RPH3AL: variants seen among roughly 807,000 people sequenced by gnomAD.
RPH3AL encodes the protein rab effector Noc2.
RPH3AL carries 38 observed loss-of-function variants against 43.1 expected under a neutral mutation model. The observed-to-expected ratio is 0.88, with a 90% confidence interval of 0.68 to 1.15. The LOEUF is 1.15. Among genes scored for constraint, RPH3AL ranks in the 50% most tolerant of loss-of-function variants. The pLI, the probability that RPH3AL is intolerant of heterozygous loss-of-function variation, is 0.00. For missense variants in RPH3AL, 462 were observed against 423.2 expected, an observed-to-expected ratio of 1.09 and a Z score of -0.81; for synonymous variants, 189 against 176.3, an observed-to-expected ratio of 1.07 and a Z score of -0.57.
intron 4 of RPH3AL, among the ~76,000 whole-genome samples, chr17:320,928 C>T (rs535151618): frequency 1.3e-4 from 20 of 152,328 alleles, no homozygotes; most frequent in African/African-American, 4.8e-4. Context: ...TTGGCCTCCA[C>T]CTGAACCCCT....
chr17:305,397 G>A (rs1221914895), intron 5 of RPH3AL, among the ~76,000 whole-genome samples: 3 of 152,010 alleles, frequency 2.0e-5, no homozygotes, highest in East Asian at 1.9e-4. Context: ...TGGCAGCTGC[G>A]GGGGCTGGGG....
At chr17:271,780 C>T (rs1032883454) in intron 6 of RPH3AL, among the ~76,000 whole-genome samples, 6 of 152,210 alleles carry the variant, frequency 3.9e-5, no homozygotes, top group African/African-American at 1.4e-4. Context: ...TGCCTGATTG[C>T]CCTGGCCAGA....
rs79505117 is a variant in RPH3AL at position 343,411 on chromosome 17, C to T, written c.-213+9301G>A. 8.3e-3 allele frequency among the ~76,000 whole-genome samples: 1,265 copies of T among 152,350 alleles called. 15 individuals carry two copies. Among genetic ancestry groups the T allele is most frequent in the African/African-American group, 0.028 (1,145 of 41,570 alleles). ...ACAAAGCAGGCGCTCAACCCTGTCA[C>T]GCACTCCAGGTAGCCCTGCCAGCAG... On this transcript the variant is annotated intron_variant, in intron 1 of 9. Coordinates refer to ENST00000331302, the MANE Select transcript of RPH3AL (RefSeq NM_006987.4).
chr17:290,444 C>G lies in RPH3AL; in HGVS notation c.352-8590G>C, dbSNP rs138980388. Among the ~76,000 whole-genome samples, 1 of 152,274 alleles carries G rather than the reference C, an allele frequency of 6.6e-6. No individual in the cohort carries two copies. Among genetic ancestry groups the G allele is most frequent in the East Asian group, 1.9e-4 (1 of 5,172 alleles). ...CATTCCCATGACGGCTCCTGCCTGC[C>G]TCCCCCGGGGTGCGTGCCGCGGCCG... On this transcript the variant is annotated intron_variant, in intron 5 of 9. Coordinates refer to ENST00000331302, the MANE Select transcript of RPH3AL (RefSeq NM_006987.4). The surrounding 1 kb of genome is among the most constrained non-coding windows in gnomAD (Gnocchi z 4.2).
intron 6 of RPH3AL, among the ~76,000 whole-genome samples, chr17:258,850 C>A (rs2042133570): frequency 6.6e-6 from 1 of 150,748 alleles, no homozygotes; most frequent in East Asian, 2.0e-4. Context: ...AGCCTTGACA[C>A]CCTGGGCTCA....
chr17:331,333 G>A lies in RPH3AL; in HGVS notation c.-37+2426C>T, dbSNP rs531398398. On this transcript the variant is annotated intron_variant, in intron 2 of 9. Coordinates refer to ENST00000331302, the MANE Select transcript of RPH3AL (RefSeq NM_006987.4). ...AGATCAAGGGAGACGGAAGGATGTC[G>A]CCTCCAGAGCTGGGGCCACGGGCAG... The A allele has an allele frequency of 7.2e-3, 289 of 40,174 alleles. 8 individuals are homozygous for A. The highest frequency in any genetic ancestry group is 0.04 in the South Asian group (278 of 7,028). 2.5% of individuals were successfully genotyped at this position (40,174 alleles called of 1,614,324 possible). A position where few individuals can be genotyped will look rare whatever the true frequency, so the allele number is the denominator to read the frequency against.
intron 6 of RPH3AL, among the ~76,000 whole-genome samples, chr17:250,610 T>C (rs1257254988): frequency 2.9e-5 from 4 of 136,150 alleles, no homozygotes; most frequent in African/African-American, 1.1e-4. Flanking sequence ...GGGCCTTTAC[T>C]AAGCTCCCTC....
At chr17:301,691 G>A (rs886948499) in intron 5 of RPH3AL, among the ~76,000 whole-genome samples, 17 of 151,966 alleles carry the variant, frequency 1.1e-4, no homozygotes, top group Non-Finnish European at 7.4e-5. Flanking sequence ...CTCCTACCTC[G>A]GCCTCCCAAA....
intron 6 of RPH3AL, among the ~76,000 whole-genome samples, chr17:252,272 GC>G (rs2041924102): frequency 6.6e-6 from 1 of 152,074 alleles, no homozygotes; most frequent in Admixed American, 6.5e-5. Flanking sequence ...ACCACGCCTA[GC>G]CTCTCCCTTT....
chr17:252,646 C>A (rs963143262), intron 6 of RPH3AL, among the ~76,000 whole-genome samples: 1 of 152,164 alleles, frequency 6.6e-6, no homozygotes, highest in South Asian at 2.1e-4. Flanking sequence ...CTCGTCCTCA[C>A]GGGCAGCGCC....
At chr17:298,637 G>A (rs568342499) in intron 5 of RPH3AL, among the ~76,000 whole-genome samples, 24 of 152,098 alleles carry the variant, frequency 1.6e-4, no homozygotes, top group East Asian at 9.7e-4. Flanking sequence ...CCCGGGAGGC[G>A]GAGGTTGCAG....
At chr17:299,024 G>A (rs901791332) in intron 5 of RPH3AL, among the ~76,000 whole-genome samples, 9 of 151,518 alleles carry the variant, frequency 5.9e-5, no homozygotes, top group South Asian at 2.1e-4. Context: ...GGGTGTTTTC[G>A]ACTTTATGCT....
At position 274,312 on chromosome 17, in the gene RPH3AL, ACCACCTGGGCCTCGCCTGC is replaced by A. The variant is rs1029818428; in HGVS notation, c.438+7437_438+7455del. 8.5e-5 allele frequency among the ~76,000 whole-genome samples: 13 copies of A among 152,138 alleles called. No homozygotes were observed. Among genetic ancestry groups the A allele is most frequent in the African/African-American group, 1.9e-4 (8 of 41,436 alleles). On this transcript the variant is annotated intron_variant, in intron 6 of 9. Transcript: ENST00000331302. The surrounding 1 kb of genome is among the most constrained non-coding windows in gnomAD (Gnocchi z 4.7). Reference sequence around the variant, plus strand: ...GCGGGAGACGGGAGGCGTGCCATGGACCACCTGGGCCTCGCCTGCCCACCTGGGCCTCGCCTGCCTGGCT... The same window carrying A: ...GCGGGAGACGGGAGGCGTGCCATGGACCACCTGGGCCTCGCCTGCCTGGCT...
intron 1 of RPH3AL, 166 bp from the exon 2 acceptor site, chr17:334,100 C>G (rs902338877): frequency 6.5e-6 from 1 of 152,904 alleles, no homozygotes; most frequent in Non-Finnish European, 1.5e-5. Flanking sequence ...GTGGCTGGGG[C>G]CGGTCACATG....
At position 298,761 on chromosome 17, in the gene RPH3AL, T is replaced by C. The variant is rs147482123; in HGVS notation, c.352-16907A>G. On this transcript the variant is annotated intron_variant, in intron 5 of 9. Coordinates refer to ENST00000331302, the MANE Select transcript of RPH3AL (RefSeq NM_006987.4). ...ACATGTTATTGGAACTTATCTTTTA[T>C]CTGAAAAATACAGCAGACTAGACAA... 6.2e-4 allele frequency among the ~76,000 whole-genome samples: 95 copies of C among 152,168 alleles called. 2 individuals carry two copies. The East Asian group carries it at 0.017, about 28-fold the overall frequency.
intron 7 of RPH3AL, among the ~76,000 whole-genome samples, chr17:240,355 T>C (rs2041500014): frequency 6.6e-6 from 1 of 152,038 alleles, no homozygotes; most frequent in Non-Finnish European, 1.5e-5. Flanking sequence ...AAGTCAGTGG[T>C]TTTTAGTATA....
chr17:320,715 G>A (rs556218593), intron 4 of RPH3AL, among the ~76,000 whole-genome samples: 4 of 152,346 alleles, frequency 2.6e-5, no homozygotes, highest in Non-Finnish European at 4.4e-5. Flanking sequence ...CCTGCCCAGT[G>A]CATTTGTGTC....
In RPH3AL at chr17:215,619, C is replaced by A; in HGVS notation, c.876+35G>T. ...GTGAGAGAGGACACGGCCGCGGGGG[C>A]AGGAGAGGGGAGAAGGCAGCAGTTG... is the stretch of plus-strand genomic sequence containing the variant. On this transcript the variant is annotated intron_variant, in intron 9 of 9. Coordinates refer to ENST00000331302, the MANE Select transcript of RPH3AL (RefSeq NM_006987.4). This position sits in a 1 kb window ranked among gnomAD's most constrained non-coding sequence, Gnocchi z 4.1. The A allele has an allele frequency of 7.9e-7, 1 of 1,258,642 alleles. No homozygotes were observed. The highest frequency in any genetic ancestry group is 1.0e-6 in the Non-Finnish European group (1 of 996,956). 78.0% of individuals were successfully genotyped at this position (1,258,642 alleles called of 1,614,324 possible).
chr17:278,612 CTT>C (rs2042712379), intron 6 of RPH3AL, among the ~76,000 whole-genome samples: 1 of 152,126 alleles, frequency 6.6e-6, no homozygotes, highest in Non-Finnish European at 1.5e-5. Context: ...GGGCCCCTCT[CTT>C]ATCCCCATAT....
Sources: gnomAD v4.1 joint callset for allele counts (sites outside exome capture counted in the v4.1 genomes callset) on GRCh38, gnomAD v4.1.1 for gene constraint, Gnocchi (gnomAD v3.1) non-coding constraint, MANE v1.5 for transcripts, NCBI Gene and HGNC (gene_info 2026-07-23, HGNC 2026-07-21) for gene names.